The following MAPK10 variants were observed in gnomAD, a reference collection of about 807,000 sequenced individuals.
MAPK10 encodes JNK3 alpha protein kinase.
MAPK10 carries 25 observed loss-of-function variants against 59.3 expected under a neutral mutation model. That is an observed-to-expected ratio of 0.42 (90% confidence interval 0.31 to 0.59). The LOEUF is 0.59. Ranked by LOEUF, MAPK10 falls within the 20% of genes least tolerant of loss-of-function variation. The pLI, the probability that MAPK10 is intolerant of heterozygous loss-of-function variation, is 0.15. For missense variants in MAPK10, 351 were observed against 568.9 expected, an observed-to-expected ratio of 0.62 and a Z score of 3.90; for synonymous variants, 190 against 200.5, an observed-to-expected ratio of 0.95 and a Z score of 0.44.
intron 2 of MAPK10, among the ~76,000 whole-genome samples, chr4:86,266,266 G>C (rs770575454): frequency 6.6e-5 from 10 of 151,916 alleles, no homozygotes; most frequent in Non-Finnish European, 1.3e-4. Context: ...AGTAAGATTT[G>C]GTTTTTCTGG....
intron 2 of MAPK10, among the ~76,000 whole-genome samples, chr4:86,324,975 T>C (rs952977215): frequency 5.3e-5 from 8 of 152,210 alleles, no homozygotes; most frequent in Admixed American, 2.0e-4. Context: ...CATTGCACTT[T>C]GTGCATATTG....
intron 2 of MAPK10, among the ~76,000 whole-genome samples, chr4:86,198,454 A>C (rs1016138976): frequency 6.6e-6 from 1 of 152,158 alleles, no homozygotes; most frequent in Non-Finnish European, 1.5e-5. Context: ...AGACCCTCGT[A>C]TCTGACCCAG....
Position 86,411,293 on chromosome 4 carries a change from G to A in MAPK10, c.-122+41737C>T, listed in dbSNP as rs183216477. Among the ~76,000 whole-genome samples the A allele has an allele frequency of 2.4e-3, 359 of 152,144 alleles. 3 individuals carry two copies. The highest frequency in any genetic ancestry group is 8.2e-3 in the African/African-American group (341 of 41,534). Reference sequence around the variant, plus strand: ...TCTTTGTTGTGATTTCTGTTCTTTTGCATTTGCTGAGGAGTGCTTTACTTC... The same window carrying A: ...TCTTTGTTGTGATTTCTGTTCTTTTACATTTGCTGAGGAGTGCTTTACTTC... On this transcript the variant is annotated intron_variant, in intron 1 of 13. Coordinates refer to the MAPK10 transcript ENST00000361569.
chr4:86,165,928 G>T (rs6830872), intron 3 of MAPK10, among the ~76,000 whole-genome samples: 12,893 of 152,114 alleles, frequency 0.085, 1,211 homozygotes, highest in African/African-American at 0.23. Flanking sequence ...AGCAAAAATT[G>T]TAAGACCTAA....
chr4:86,498,047 C>T (rs1445903080), intron 1 of MAPK10, among the ~76,000 whole-genome samples: 1 of 152,156 alleles, frequency 6.6e-6, no homozygotes, highest in African/African-American at 2.4e-5. Context: ...TCCTTTCTGC[C>T]CTTTCTCTCA....
intron 3 of MAPK10, 121 bp downstream of exon 3, chr4:86,194,215 C>G (rs1253325138): frequency 2.2e-5 from 17 of 781,804 alleles, no homozygotes; most frequent in Non-Finnish European, 3.6e-5. Flanking sequence ...GCTCCTAATT[C>G]TAAACTACTG....
At chr4:86,191,191 C>T (rs2079661501) in intron 3 of MAPK10, among the ~76,000 whole-genome samples, 1 of 151,940 alleles carries the variant, frequency 6.6e-6, no homozygotes, top group Admixed American at 6.6e-5. Flanking sequence ...AGAATAAATG[C>T]TATGTGGTGT....
intron 1 of MAPK10, among the ~76,000 whole-genome samples, chr4:86,470,964 G>A (rs1336965389): frequency 1.3e-5 from 2 of 152,004 alleles, no homozygotes; most frequent in Non-Finnish European, 2.9e-5. Context: ...ATATTTACTG[G>A]CATTGTATTG....
chr4:86,013,720 A>G lies in MAPK10; in HGVS notation c.*3508T>C, dbSNP rs1742167222. On this transcript the variant is annotated 3_prime_UTR_variant, in exon 14 of 14. Transcript: ENST00000641462. The stretch of plus-strand genomic sequence containing the variant: ...TCAGCTGCTATCAGTGTCTTTAGAT[A>G]ATATTTTTCTGATAACAGATTGAAA... 1 of 152,166 alleles carries G rather than the reference A, an allele frequency of 6.6e-6. No individual in the cohort carries two copies. Among genetic ancestry groups the G allele is most frequent in the Non-Finnish European group, 1.5e-5 (1 of 68,032 alleles). The allele number at this position is 152,166 out of a possible 1,614,324, so 9.4% of individuals were successfully genotyped here.
chr4:86,018,522 G>A (rs1043394146), intron 13 of MAPK10, among the ~76,000 whole-genome samples: 2 of 152,186 alleles, frequency 1.3e-5, no homozygotes, highest in African/African-American at 4.8e-5. Flanking sequence ...TTGAAACCCT[G>A]AGAAGAAACC....
chr4:86,389,918 C>A (rs1447352848), intron 1 of MAPK10, among the ~76,000 whole-genome samples: 5 of 148,764 alleles, frequency 3.4e-5, no homozygotes, highest in Non-Finnish European at 7.5e-5. Flanking sequence ...GTTGAAAGAA[C>A]CTCCCTCTCT....
chr4:86,555,188 C>A (rs1760162028), intron 1 of MAPK10, among the ~76,000 whole-genome samples: 1 of 152,234 alleles, frequency 6.6e-6, no homozygotes, highest in South Asian at 2.1e-4. Context: ...TGGCTCATGC[C>A]TGTAATCCTA....
At chr4:86,294,966 A>G (rs988562238) in intron 2 of MAPK10, among the ~76,000 whole-genome samples, 1 of 151,992 alleles carries the variant, frequency 6.6e-6, no homozygotes, top group Non-Finnish European at 1.5e-5. Flanking sequence ...CTCACCAGCC[A>G]AAACGGAAAA....
chr4:86,333,147 A>G (rs6847300), intron 2 of MAPK10, among the ~76,000 whole-genome samples: 111,420 of 151,706 alleles, frequency 0.73, 41,416 homozygotes, highest in South Asian at 0.9. Flanking sequence ...ATTCAATAAC[A>G]TATAATCAAG....
intron 2 of MAPK10, among the ~76,000 whole-genome samples, chr4:86,262,392 A>G (rs1236742340): frequency 1.3e-5 from 2 of 152,204 alleles, no homozygotes; most frequent in African/African-American, 2.4e-5. Context: ...CCCAGTTTCC[A>G]GTACCCTGTT....
intron 1 of MAPK10, among the ~76,000 whole-genome samples, chr4:86,551,123 C>G (rs1049234554): frequency 1.3e-5 from 2 of 152,336 alleles, no homozygotes; most frequent in African/African-American, 4.8e-5. Context: ...TTTGTAGAGT[C>G]TGACCTCACT....
Position 86,016,737 on chromosome 4 carries a change from T to C in MAPK10, c.*491A>G. Reference sequence around the variant, plus strand: ...GGTAGAGCCCTGAGGACACTGACAGTAGCATCTCTAAGTAAGTAGTGCTGT... The same window carrying C: ...GGTAGAGCCCTGAGGACACTGACAGCAGCATCTCTAAGTAAGTAGTGCTGT... On this transcript the variant is annotated 3_prime_UTR_variant, in exon 14 of 14. Transcript: ENST00000641462. 1 of 158,122 alleles carries C rather than the reference T, an allele frequency of 6.3e-6. No homozygotes were observed. The allele number at this position is 158,122 out of a possible 1,614,324, so 9.8% of individuals were successfully genotyped here.
chr4:86,544,819 C>T lies in MAPK10; in HGVS notation c.-263+49091G>A, dbSNP rs72665745. Among the ~76,000 whole-genome samples, 506 of 151,676 alleles carry T rather than the reference C, an allele frequency of 3.3e-3. 1 individual carries two copies. The highest frequency in any genetic ancestry group is 5.9e-3 in the Non-Finnish European group (398 of 67,976). On this transcript the variant is annotated intron_variant, in intron 1 of 4. Transcript: ENST00000502302. ...GAACAAAAGGCTTTTGCTGACATAG[C>T]AGCTTCATGGTTGCACACACAGCCC...
At chr4:86,061,799 T>C (rs1191856462) in intron 11 of MAPK10, among the ~76,000 whole-genome samples, 1 of 152,178 alleles carries the variant, frequency 6.6e-6, no homozygotes, top group African/African-American at 2.4e-5. Flanking sequence ...TGTGAGTTAC[T>C]TGAAAGCTCT....
Sources: gnomAD v4.1 joint callset for allele counts (sites outside exome capture counted in the v4.1 genomes callset) on GRCh38, gnomAD v4.1.1 for gene constraint, MANE v1.5 for transcripts, NCBI Gene and HGNC (gene_info 2026-07-23, HGNC 2026-07-21) for gene names.